The following KCTD16 variants were observed in gnomAD, a reference collection of about 807,000 sequenced individuals.
KCTD16 encodes potassium channel tetramerization domain containing 16.
Under a neutral mutation model 33.2 loss-of-function variants are expected in KCTD16, and 13 were observed. The observed-to-expected ratio is 0.39, with a 90% CI of 0.25 to 0.62. The LOEUF (loss-of-function observed/expected upper bound fraction) is 0.62, where lower values mean the gene tolerates loss of function less well. KCTD16 is among the 20% of genes least tolerant of loss of function. The pLI is 0.50. For missense variants in KCTD16, 441 were observed against 525.1 expected, an observed-to-expected ratio of 0.84 and a Z score of 1.57; for synonymous variants, 197 against 195.3, an observed-to-expected ratio of 1.01 and a Z score of -0.07.
At chr5:144,339,504 A>G (rs1752574380) in intron 3 of KCTD16, among the ~76,000 whole-genome samples, 1 of 152,158 alleles carries the variant, frequency 6.6e-6, no homozygotes, top group Admixed American at 6.5e-5. Context: ...CTCAACGTTT[A>G]TGGAACACAC....
At chr5:144,345,197 G>A (rs1419271199) in intron 3 of KCTD16, among the ~76,000 whole-genome samples, 1 of 133,666 alleles carries the variant, frequency 7.5e-6, no homozygotes, top group Non-Finnish European at 1.6e-5. Context: ...ACACTCTGGG[G>A]ACTGTTGTGG....
intron 3 of KCTD16, among the ~76,000 whole-genome samples, chr5:144,397,049 A>C (rs1458974215): frequency 2.7e-5 from 4 of 149,602 alleles, no homozygotes; most frequent in Non-Finnish European, 4.5e-5. Context: ...CATTAGGTAT[A>C]TCTCCTAATG....
intron 3 of KCTD16, among the ~76,000 whole-genome samples, chr5:144,318,061 C>G (rs1751970411): frequency 6.6e-6 from 1 of 152,224 alleles, no homozygotes; most frequent in Admixed American, 6.5e-5. Context: ...CATGAATGTT[C>G]TCTTGCTGTG....
At chr5:144,267,003 T>C (rs778128293) in intron 3 of KCTD16, among the ~76,000 whole-genome samples, 31 of 152,330 alleles carry the variant, frequency 2.0e-4, no homozygotes, top group Admixed American at 5.2e-4. Context: ...CTGGTTTATA[T>C]ATATTTTTTT....
chr5:144,299,132 ATATATATATATATATATTT>A lies in KCTD16; in HGVS notation c.832+91588_832+91606del, dbSNP rs1751330208. Among the ~76,000 whole-genome samples the A allele has an allele frequency of 2.1e-4, 6 of 28,650 alleles. No homozygotes were observed. The East Asian group carries it at 4.3e-3, about 21-fold the overall frequency. 18.8% of individuals were successfully genotyped at this position (28,650 alleles called of 152,430 possible). ...TATATATATATATATATATATATAT[ATATATATATATATATATTT>A]TTTTTTTTTTTTTTAACCTGTCACT... On this transcript the variant is annotated intron_variant, in intron 3 of 3. Coordinates refer to ENST00000512467, the MANE Select transcript of KCTD16 (RefSeq NM_020768.4).
chr5:144,339,262 C>T (rs1202439789), intron 3 of KCTD16, among the ~76,000 whole-genome samples: 5 of 152,180 alleles, frequency 3.3e-5, no homozygotes, highest in African/African-American at 7.2e-5. Flanking sequence ...TAGAGACATT[C>T]GATAGCTAGA....
rs1222432690 is a variant in KCTD16 at position 144,484,521 on chromosome 5, C to T, written c.*10407C>T. 2.6e-5 allele frequency: 4 copies of T among 152,048 alleles called. No individual in the cohort carries two copies. The highest frequency in any genetic ancestry group is 2.6e-4 in the Admixed American group (4 of 15,246). The allele number at this position is 152,048 out of a possible 1,614,324, so 9.4% of individuals were successfully genotyped here. A position where few individuals can be genotyped will look rare whatever the true frequency, so the allele number is the denominator to read the frequency against. On this transcript the variant is annotated 3_prime_UTR_variant, in exon 4 of 4. Coordinates refer to ENST00000512467, the MANE Select transcript of KCTD16 (RefSeq NM_020768.4). ...TTAAATTGACTTTTTTACATAACAT[C>T]AGCACCACCCCTTACACTTTTAAAG...
At chr5:144,466,058 C>G (rs977995029) in intron 3 of KCTD16, among the ~76,000 whole-genome samples, 1 of 151,982 alleles carries the variant, frequency 6.6e-6, no homozygotes, top group Non-Finnish European at 1.5e-5. Context: ...AGGCTGGTCT[C>G]GAACTCCTGA....
chr5:144,300,314 G>T (rs1751397992), intron 3 of KCTD16, among the ~76,000 whole-genome samples: 1 of 152,018 alleles, frequency 6.6e-6, no homozygotes, highest in Non-Finnish European at 1.5e-5. Flanking sequence ...AAGCATTTTT[G>T]CTTCACTGTC....
At chr5:144,473,561 C>T (rs1316815972) in intron 3 of KCTD16, 99 bp from the exon 4 acceptor site, 1 of 1,190,576 alleles carries the variant, frequency 8.4e-7, no homozygotes, top group East Asian at 2.4e-5. Flanking sequence ...TTCTGCGATG[C>T]TTCTCTTATG....
chr5:144,243,995 G>T (rs1028968071), intron 3 of KCTD16, among the ~76,000 whole-genome samples: 1 of 151,926 alleles, frequency 6.6e-6, no homozygotes, highest in Non-Finnish European at 1.5e-5. Context: ...TACCTGCCTC[G>T]GCCTCCCAAA....
Position 144,215,834 on chromosome 5 carries a change from C to G in KCTD16, c.832+8288C>G, listed in dbSNP as rs150828965. The stretch of plus-strand genomic sequence containing the variant: ...TAATAGTCCTTTTGAAAACTTTTCC[C>G]AGTTTATTGATGTTAAAACAGGTTA... On this transcript the variant is annotated intron_variant, in intron 3 of 3. Coordinates refer to ENST00000512467, the MANE Select transcript of KCTD16 (RefSeq NM_020768.4). 1.7e-3 allele frequency among the ~76,000 whole-genome samples: 262 copies of G among 152,258 alleles called. 5 individuals are homozygous for G. Among genetic ancestry groups the G allele is most frequent in the Admixed American group, 0.016 (249 of 15,302 alleles).
intron 3 of KCTD16, among the ~76,000 whole-genome samples, chr5:144,280,545 T>A (rs1755568960): frequency 6.6e-6 from 1 of 152,222 alleles, no homozygotes; most frequent in African/African-American, 2.4e-5. Context: ...TTGTGTTTTC[T>A]CTCTCTTTCT....
intron 3 of KCTD16, among the ~76,000 whole-genome samples, chr5:144,301,982 G>C (rs1751455614): frequency 6.6e-6 from 1 of 152,058 alleles, no homozygotes; most frequent in South Asian, 2.1e-4. Flanking sequence ...ATAGTTTTGG[G>C]ATATTTTCTT....
At chr5:144,277,749 G>A (rs565008531) in intron 3 of KCTD16, among the ~76,000 whole-genome samples, 4 of 152,190 alleles carry the variant, frequency 2.6e-5, no homozygotes, top group East Asian at 3.9e-4. Flanking sequence ...GCTCATGGTG[G>A]TATTAGTTTT....
intron 3 of KCTD16, among the ~76,000 whole-genome samples, chr5:144,455,621 T>C (rs2126988130): frequency 6.6e-6 from 1 of 152,232 alleles, no homozygotes; most frequent in East Asian, 1.9e-4. Context: ...GAGTTGGGAC[T>C]GAAGGATGGG....
At chr5:144,375,963 A>G (rs562709712) in intron 3 of KCTD16, among the ~76,000 whole-genome samples, 3 of 152,028 alleles carry the variant, frequency 2.0e-5, no homozygotes, top group Non-Finnish European at 4.4e-5. Context: ...AGCTTGAATT[A>G]CAGGCACGAG....
rs1231342112 is a variant in KCTD16, at chr5:144,479,652, C to T, written c.*5538C>T. ...AAAACAAAAATGGTTAAATTTGATT[C>T]AGTTTGTTGCCCTCTCTCCTCTACT... On this transcript the variant is annotated 3_prime_UTR_variant, in exon 4 of 4. Transcript: ENST00000512467. 1 of 151,846 alleles carries T rather than the reference C, an allele frequency of 6.6e-6. No individual in the cohort carries two copies. The highest frequency in any genetic ancestry group is 1.5e-5 in the Non-Finnish European group (1 of 67,900). The allele number at this position is 151,846 out of a possible 1,614,324, so 9.4% of individuals were successfully genotyped here. A position where few individuals can be genotyped will look rare whatever the true frequency, so the allele number is the denominator to read the frequency against.
chr5:144,417,720 T>A (rs1187461831), intron 3 of KCTD16, among the ~76,000 whole-genome samples: 1 of 152,190 alleles, frequency 6.6e-6, no homozygotes, highest in Non-Finnish European at 1.5e-5. Flanking sequence ...TGCAAGTGTT[T>A]TATGGTTTTA....
Sources: gnomAD v4.1 joint callset for allele counts (sites outside exome capture counted in the v4.1 genomes callset) on GRCh38, gnomAD v4.1.1 for gene constraint, MANE v1.5 for transcripts, NCBI Gene and HGNC (gene_info 2026-07-23, HGNC 2026-07-21) for gene names.